Variants in DDX60L observed in about 807,000 individuals in gnomAD.
DDX60L encodes DExD/H-box 60 like, also known as probable ATP-dependent RNA helicase DDX60-like.
A neutral mutation model predicts 211.6 loss-of-function variants in DDX60L; 191 were observed. The observed-to-expected ratio is 0.90, with a 90% CI of 0.80 to 1.02. The LOEUF (loss-of-function observed/expected upper bound fraction) is 1.02, where lower values mean the gene tolerates loss of function less well. Ranked by LOEUF, DDX60L falls within the 50% of genes least tolerant of loss-of-function variation. The pLI is 0.00. For missense variants in DDX60L, 2,007 were observed against 1,984.1 expected, an observed-to-expected ratio of 1.01 and a Z score of -0.22; for synonymous variants, 706 against 694.1, an observed-to-expected ratio of 1.02 and a Z score of -0.27.
At chr4:168,456,753 T>C (rs1756623689) in intron 6 of DDX60L, among the ~76,000 whole-genome samples, 2 of 152,186 alleles carry the variant, frequency 1.3e-5, no homozygotes. Flanking sequence ...AAAAAACATA[T>C]ACATCAAAAT....
At chr4:168,411,510 G>A (rs1285639248) in intron 22 of DDX60L, among the ~76,000 whole-genome samples, 3 of 152,156 alleles carry the variant, frequency 2.0e-5, no homozygotes, top group Non-Finnish European at 4.4e-5. Flanking sequence ...TGGCACCAGT[G>A]GAGGGAGCAT....
At chr4:168,384,849 C>T (rs758143850) in intron 29 of DDX60L, 37 bp from the exon 30 acceptor site, 14 of 1,572,120 alleles carry the variant, frequency 8.9e-6, no homozygotes, top group Non-Finnish European at 1.2e-5. Context: ...AAAACCTCCA[C>T]AGATAATTAT....
chr4:168,369,228 G>A (rs1044536403), intron 36 of DDX60L, among the ~76,000 whole-genome samples: 1 of 152,118 alleles, frequency 6.6e-6, no homozygotes, highest in Admixed American at 6.6e-5. Context: ...AATTATGGGG[G>A]CAGGTCTTTC....
At chr4:168,398,241 C>T (rs1746166539) in intron 26 of DDX60L, among the ~76,000 whole-genome samples, 1 of 152,224 alleles carries the variant, frequency 6.6e-6, no homozygotes, top group Admixed American at 6.5e-5. Flanking sequence ...GCTGCCTGGC[C>T]TCTCCCTGCT....
chr4:168,454,917 TCAGACTAGAGGTC>T (rs993473628), intron 7 of DDX60L, among the ~76,000 whole-genome samples: 15 of 151,822 alleles, frequency 9.9e-5, no homozygotes, highest in African/African-American at 3.4e-4. Context: ...AGTTGGTGGT[TCAGACTAGAGGTC>T]TGAAATTCCT....
In DDX60L at chr4:168,461,899, C is replaced by G. The variant is rs199944018; in HGVS notation, c.406G>C (p.Glu136Gln). The change falls in exon 5 of 38, where the codon GAA becomes CAA. Residue 136 changes from glutamate to glutamine, a missense_variant. Coordinates refer to ENST00000682922, the MANE Select transcript of DDX60L (RefSeq NM_001012967.3). ...ATCAGAAAATACGGGTAATGCTGTT[C>G]CAAGAATAACTTCCAATCTTGTGAT... The part of the protein sequence containing the change: ...CLSQDWKLFL[E>Q]QHYPYFLIVS... 103 of 1,611,702 alleles carry G rather than the reference C, an allele frequency of 6.4e-5. No individual in the cohort carries two copies. The highest frequency in any genetic ancestry group is 8.2e-5 in the Non-Finnish European group (97 of 1,178,842).
chr4:168,454,758 C>CTTTTTTTTTTTTGTTTTTTTTTTTTTTT (rs1756277115), intron 7 of DDX60L, among the ~76,000 whole-genome samples: 1 of 88,656 alleles, frequency 1.1e-5, no homozygotes, highest in African/African-American at 4.8e-5. Flanking sequence ...AAACAGCTTC[C>CTTTTTTTTTTTTGTTTTTTTTTTTTTTT]TTTTTTTTTT....
At chr4:168,391,976 A>G (rs1744917888) in intron 28 of DDX60L, among the ~76,000 whole-genome samples, 1 of 152,200 alleles carries the variant, frequency 6.6e-6, no homozygotes, top group African/African-American at 2.4e-5. Context: ...TCCCCCCAAG[A>G]CCTTAAGTAT....
intron 26 of DDX60L, among the ~76,000 whole-genome samples, chr4:168,399,156 T>A (rs1746342189): frequency 6.6e-6 from 1 of 152,208 alleles, no homozygotes; most frequent in Non-Finnish European, 1.5e-5. Context: ...TTGGGACCAC[T>A]GAATGGCAGG....
rs1273352000 is a variant in DDX60L at position 168,422,592 on chromosome 4, A to G, written c.2176T>C (p.Tyr726His). The G allele has an allele frequency of 1.9e-6, 3 of 1,613,632 alleles. No individual in the cohort carries two copies. The highest frequency in any genetic ancestry group is 2.5e-6 in the Non-Finnish European group (3 of 1,179,842). Residue 726 changes from tyrosine (Y) to histidine (H), a missense_variant, in exon 16 of 38, where the codon TAC becomes CAC. By Grantham distance (83) the Tyr-to-His change is moderately conservative (BLOSUM62 2). Coordinates refer to ENST00000682922, the MANE Select transcript of DDX60L (RefSeq NM_001012967.3). The stretch of plus-strand genomic sequence containing the variant: ...TCTTTTCTTTCATCTCTTATCAAGT[A>G]ATGGCCCATGTATTGCAGTTGAAAC... ...ARFQLQYMGHYLIRDERKDRD... is the reference protein window; with the variant it reads ...ARFQLQYMGHHLIRDERKDRD...
chr4:168,430,890 G>A (rs1267309605), intron 12 of DDX60L, among the ~76,000 whole-genome samples: 1 of 152,160 alleles, frequency 6.6e-6, no homozygotes, highest in Non-Finnish European at 1.5e-5. Context: ...GAAGAGGAAG[G>A]TTGGGGGCAG....
At chr4:168,450,741 C>T (rs1455625975) in intron 8 of DDX60L, among the ~76,000 whole-genome samples, 1 of 152,076 alleles carries the variant, frequency 6.6e-6, no homozygotes, top group Non-Finnish European at 1.5e-5. Context: ...CATGACCAGA[C>T]CTTGCCTCTA....
Position 168,423,687 on chromosome 4 carries a change from G to T in DDX60L, c.2018C>A (p.Ala673Glu). 1 of 1,606,132 alleles carries T rather than the reference G, an allele frequency of 6.2e-7. No homozygotes were observed. Among genetic ancestry groups the T allele is most frequent in the South Asian group, 1.1e-5 (1 of 89,704 alleles). The change falls in exon 15 of 38, where the codon GCA (alanine) becomes GAA (glutamate). Residue 673 changes from alanine to glutamate, a missense_variant. Coordinates refer to ENST00000682922, the MANE Select transcript of DDX60L (RefSeq NM_001012967.3). ...LLERYPEILEAEHHQYIAKCL... is the reference protein window; with the variant it reads ...LLERYPEILEEEHHQYIAKCL... ...TTTAGCTATATATTGATGATGTTCTGCTTCCAAAATTTCTGGGTATCTCTC... is the reference window on the plus strand; with the variant it reads ...TTTAGCTATATATTGATGATGTTCTTCTTCCAAAATTTCTGGGTATCTCTC...
intron 22 of DDX60L, among the ~76,000 whole-genome samples, chr4:168,409,233 C>A (rs17612333): frequency 0.11 from 16,637 of 152,124 alleles, 1,250 homozygotes; most frequent in Admixed American, 0.15. Flanking sequence ...CACAGCTCTG[C>A]AGAAGTCATA....
intron 10 of DDX60L, among the ~76,000 whole-genome samples, chr4:168,438,766 G>T (rs1218902347): frequency 6.6e-6 from 1 of 152,192 alleles, no homozygotes; most frequent in African/African-American, 2.4e-5. Flanking sequence ...TTAGGGAATA[G>T]GTAATGGGAG....
At chr4:168,479,858 CCTGTAGTCCCAG>C (rs1360762663) in intron 1 of DDX60L, among the ~76,000 whole-genome samples, 1 of 151,526 alleles carries the variant, frequency 6.6e-6, no homozygotes, top group Non-Finnish European at 1.5e-5. Context: ...GTGGCGGGTG[CCTGTAGTCCCAG>C]CTACTCGGGA....
chr4:168,403,953 C>T, intron 25 of DDX60L, 29 bp downstream of exon 25: 1 of 1,359,820 alleles, frequency 7.4e-7, no homozygotes, highest in South Asian at 1.7e-5. Flanking sequence ...CACATATAAA[C>T]AAAGATAAAT....
At chr4:168,457,307 C>T (rs1317246285) in intron 6 of DDX60L, among the ~76,000 whole-genome samples, 1 of 151,566 alleles carries the variant, frequency 6.6e-6, no homozygotes, top group African/African-American at 2.4e-5. Flanking sequence ...CACACACACA[C>T]ACACAATATG....
intron 36 of DDX60L, among the ~76,000 whole-genome samples, chr4:168,368,917 C>T (rs1740459919): frequency 6.6e-6 from 1 of 152,188 alleles, no homozygotes; most frequent in African/African-American, 2.4e-5. Context: ...TCCTCATACC[C>T]CCACTGTATC....
Sources: gnomAD v4.1 joint callset for allele counts (sites outside exome capture counted in the v4.1 genomes callset) on GRCh38, gnomAD v4.1.1 for gene constraint, MANE v1.5 for transcripts, NCBI Gene and HGNC (gene_info 2026-07-23, HGNC 2026-07-21) for gene names.